The following AMMECR1 variants were observed in gnomAD, a reference collection of about 807,000 sequenced individuals.
The protein encoded by AMMECR1 is nuclear protein AMMECR1.
In AMMECR1, 3 loss-of-function variants were observed where a neutral mutation model predicts 22.5. The observed-to-expected ratio is 0.13, with a 90% CI of 0.06 to 0.35. The LOEUF is 0.35. AMMECR1 is among the 10% of genes least tolerant of loss of function. The probability of loss-of-function intolerance (pLI) is 1.00; values close to 1 mark genes in which losing one functional copy is unlikely to be tolerated. For missense variants in AMMECR1, 235 were observed against 278.7 expected (o/e 0.84, Z 1.12); for synonymous variants, 130 against 116.7 (o/e 1.11, Z -0.74).
rs1382144472 is a variant in AMMECR1 at position 110,304,058 on chromosome X, T to C, written c.473+13541A>G. Among the ~76,000 whole-genome samples, 4 of 112,155 alleles carry C rather than the reference T, an allele frequency of 3.6e-5. No homozygotes were observed. In the South Asian group the frequency reaches 1.1e-3, roughly 31 times the overall value. ...TTCAAAGCATAATCATTCCTCAACA[T>C]AAACTAAAAATATGCTGCTCATTGT... On this transcript the variant is annotated intron_variant, in intron 1 of 5. Transcript: ENST00000262844.
chrX:110,265,410 T>A (rs1434482046), intron 1 of AMMECR1, among the ~76,000 whole-genome samples: 1 of 111,809 alleles, frequency 8.9e-6, no homozygotes, highest in Admixed American at 9.5e-5. Flanking sequence ...AAGTATTACC[T>A]GCAAATACAA....
chrX:110,257,942 G>A (rs2067718940), intron 2 of AMMECR1, among the ~76,000 whole-genome samples: 1 of 111,600 alleles, frequency 9.0e-6, no homozygotes, highest in Non-Finnish European at 1.9e-5. Context: ...AAACTTTACA[G>A]ATAGATGTAA....
At chrX:110,284,115 G>A (rs2067867126) in intron 1 of AMMECR1, among the ~76,000 whole-genome samples, 1 of 110,744 alleles carries the variant, frequency 9.0e-6, no homozygotes, top group South Asian at 3.9e-4. Flanking sequence ...GACAGAGTGA[G>A]ACTCTGTCTC....
chrX:110,429,458 GTT>G (rs554736940), intron 1 of AMMECR1, among the ~76,000 whole-genome samples: 13,335 of 80,643 alleles, frequency 0.17, 2,631 homozygotes, highest in African/African-American at 0.55. Context: ...GAGAAAAAGT[GTT>G]TTTTTTTTTT....
intron 1 of AMMECR1, among the ~76,000 whole-genome samples, chrX:110,292,636 C>T (rs968822122): frequency 8.9e-6 from 1 of 111,943 alleles, no homozygotes; most frequent in Admixed American, 9.5e-5. Flanking sequence ...TGTATGATTC[C>T]AACGATGTGA....
At chrX:110,232,318 C>T (rs2067571653) in intron 2 of AMMECR1, among the ~76,000 whole-genome samples, 1 of 112,202 alleles carries the variant, frequency 8.9e-6, no homozygotes, top group African/African-American at 3.2e-5. Flanking sequence ...CAAACTGTCT[C>T]TCAGACCACA....
chrX:110,396,107 C>T (rs1473459941), intron 2 of AMMECR1, among the ~76,000 whole-genome samples: 1 of 111,623 alleles, frequency 9.0e-6, no homozygotes, highest in Non-Finnish European at 1.9e-5. Flanking sequence ...GCCCTGTCCA[C>T]CCACCACCAC....
chrX:110,233,157 C>T (rs1340029927), intron 2 of AMMECR1, among the ~76,000 whole-genome samples: 3 of 110,670 alleles, frequency 2.7e-5, no homozygotes, highest in African/African-American at 3.3e-5. Flanking sequence ...GATATCACCA[C>T]CGATCCCACA....
At chrX:110,440,214 C>T (rs948922595) in exon 1 of AMMECR1, 2 of 110,890 alleles carry the variant, frequency 1.8e-5, no homozygotes, top group Admixed American at 1.9e-4. Context: ...GTCCTCTAAA[C>T]GATTAGCCCA....
Position 110,317,505 on chromosome X carries a change from C to G in AMMECR1, c.473+94G>C, listed in dbSNP as rs1396758338. The G allele has an allele frequency of 2.6e-5, 28 of 1,081,640 alleles. No individual in the cohort carries two copies. The South Asian group carries it at 6.7e-4, about 26-fold the overall frequency. The allele number at this position is 1,081,640 out of a possible 1,213,427, so 89.1% of individuals were successfully genotyped here. ...GACCCGGGCAGCGAGAGGGCAGGGG[C>G]ATCCGCCGGCCGGGAGGCGGACTCG... On this transcript the variant is annotated intron_variant, in intron 1 of 5. Coordinates refer to ENST00000262844, the MANE Select transcript of AMMECR1 (RefSeq NM_015365.3).
chrX:110,297,045 G>A (rs1026936677), intron 1 of AMMECR1, among the ~76,000 whole-genome samples: 4 of 111,337 alleles, frequency 3.6e-5, no homozygotes, highest in Admixed American at 9.6e-5. Context: ...TGACTTTCCC[G>A]GACTAGTTCT....
chrX:110,383,675 G>A (rs1041929491), intron 2 of AMMECR1, among the ~76,000 whole-genome samples: 8 of 111,455 alleles, frequency 7.2e-5, no homozygotes, highest in Admixed American at 1.9e-4. Context: ...TTCTTATCTC[G>A]CCAGTAAATT....
chrX:110,439,011 C>T (rs1302547575), intron 1 of AMMECR1, among the ~76,000 whole-genome samples: 1 of 112,048 alleles, frequency 8.9e-6, no homozygotes, highest in Non-Finnish European at 1.9e-5. Context: ...ATATTTCTCC[C>T]GCTCACCTCC....
At chrX:110,313,889 C>T (rs1159781006) in intron 1 of AMMECR1, among the ~76,000 whole-genome samples, 4 of 111,465 alleles carry the variant, frequency 3.6e-5, no homozygotes, top group Admixed American at 9.5e-5. Context: ...TTGAAAATTG[C>T]CATTCCATTA....
At chrX:110,320,659 T>C, upstream of AMMECR1, among the ~76,000 whole-genome samples, 1 of 112,297 alleles carries the variant, frequency 8.9e-6, no homozygotes. Context: ...CTATCATGGC[T>C]ATCCTGCCAG....
chrX:110,205,077 G>A (rs1021535225), intron 3 of AMMECR1, among the ~76,000 whole-genome samples: 2 of 111,741 alleles, frequency 1.8e-5, no homozygotes, highest in Non-Finnish European at 3.8e-5. Context: ...CCAAACCAGA[G>A]TGACTCATTT....
At chrX:110,429,466 TTTTTTTTGTTTTGTTTTTTTG>T (rs2068779889) in intron 1 of AMMECR1, among the ~76,000 whole-genome samples, 1 of 80,260 alleles carries the variant, frequency 1.2e-5, no homozygotes, top group Non-Finnish European at 2.1e-5. Flanking sequence ...GTGTTTTTTT[TTTTTTTTGTTTTGTTTTTTTG>T]GTTTTTTTGT....
At chrX:110,269,140 CAGT>C (rs1043781176) in intron 1 of AMMECR1, among the ~76,000 whole-genome samples, 1 of 111,808 alleles carries the variant, frequency 8.9e-6, no homozygotes, top group Non-Finnish European at 1.9e-5. Context: ...GTCAGGTCAA[CAGT>C]AGCTCTAGGG....
At chrX:110,405,993 T>G (rs1436195724) in intron 2 of AMMECR1, among the ~76,000 whole-genome samples, 2 of 112,063 alleles carry the variant, frequency 1.8e-5, no homozygotes, top group African/African-American at 6.5e-5. Flanking sequence ...TAGCCTACTC[T>G]GAAAACCCTA....
Sources: allele counts gnomAD v4.1 joint callset (sites outside exome capture counted in the v4.1 genomes callset), GRCh38; gene constraint gnomAD v4.1.1; transcripts MANE v1.5; gene names NCBI Gene and HGNC (gene_info 2026-07-23, HGNC 2026-07-21).